The following CASZ1 variants were observed in gnomAD, a reference collection of about 807,000 sequenced individuals.
The protein encoded by CASZ1 is castor zinc finger 1.
CASZ1 carries 28 observed loss-of-function variants against 135.2 expected under a neutral mutation model. That is an observed-to-expected ratio of 0.21 (90% confidence interval 0.15 to 0.28). CASZ1 has a LOEUF of 0.28. Ranked by LOEUF, CASZ1 falls within the 10% of genes least tolerant of loss-of-function variation. The pLI, the probability that CASZ1 is intolerant of heterozygous loss-of-function variation, is 1.00. For synonymous variants in CASZ1, 1,068 were observed against 1,073.4 expected (o/e 0.99, Z 0.10); for missense variants, 2,161 against 2,453.3 (o/e 0.88, Z 2.52).
At chr1:10,685,607 C>T (rs1638560369) in intron 4 of CASZ1, among the ~76,000 whole-genome samples, 1 of 152,246 alleles carries the variant, frequency 6.6e-6, no homozygotes, top group African/African-American at 2.4e-5. Context: ...GGCTCCTCCC[C>T]AACCCGGGAG....
chr1:10,784,738 G>T (rs1331402602), intron 1 of CASZ1, among the ~76,000 whole-genome samples: 3 of 152,038 alleles, frequency 2.0e-5, no homozygotes, highest in Admixed American at 6.6e-5. Context: ...TAATTTTTTT[G>T]TATTTTTAGT....
chr1:10,722,668 C>T (rs774252417), intron 2 of CASZ1, among the ~76,000 whole-genome samples: 1 of 152,262 alleles, frequency 6.6e-6, no homozygotes, highest in African/African-American at 2.4e-5. Context: ...CCAATTCGGA[C>T]TGGCCCAGGG....
In CASZ1 at chr1:10,762,928, C is replaced by T. The variant is rs1169795371; in HGVS notation, c.-233-2071G>A. 6.6e-6 allele frequency among the ~76,000 whole-genome samples: 1 copy of T among 152,186 alleles called. No individual in the cohort carries two copies. Among genetic ancestry groups the T allele is most frequent in the Non-Finnish European group, 1.5e-5 (1 of 68,030 alleles). On this transcript the variant is annotated intron_variant, in intron 1 of 20. Transcript: ENST00000377022. The surrounding 1 kb of genome is among the most constrained non-coding windows in gnomAD (Gnocchi z 4.1). ...GGGACGCTCGTTGGGCTTCTTCCAG[C>T]GGAAAGTGGGGCCTGCCCAGGGCAG...
chr1:10,678,684 C>T (rs905459850), intron 4 of CASZ1, among the ~76,000 whole-genome samples: 40 of 152,198 alleles, frequency 2.6e-4, no homozygotes, highest in African/African-American at 8.2e-4. Context: ...GCACAGCAGC[C>T]GCTGTAAGGA....
At chr1:10,688,488 G>T (rs749610134) in intron 4 of CASZ1, among the ~76,000 whole-genome samples, 38 of 152,160 alleles carry the variant, frequency 2.5e-4, no homozygotes, top group Non-Finnish European at 4.4e-4. Flanking sequence ...TAGAAAGCAT[G>T]GTGGCGGAGG....
chr1:10,653,110 C>T (rs1369983643), intron 11 of CASZ1: 1 of 527,700 alleles, frequency 1.9e-6, no homozygotes, highest in Admixed American at 3.1e-5. Flanking sequence ...GGATGCAGGG[C>T]AGCCGAGGAG....
intron 1 of CASZ1, among the ~76,000 whole-genome samples, chr1:10,787,658 CACACACACGCAT>C (rs1640883182): frequency 6.6e-6 from 1 of 152,142 alleles, no homozygotes; most frequent in Admixed American, 6.5e-5. Context: ...CACCCGCACA[CACACACACGCAT>C]ACACACACGC....
chr1:10,794,892 G>A lies in CASZ1; in HGVS notation c.-234+1672C>T, dbSNP rs730410. The stretch of plus-strand genomic sequence containing the variant: ...GCAGCGGCCCAGCAACCGCCCGCCC[G>A]CCCGCGCCCGGCCAGCCCCCGCCAG... On this transcript the variant is annotated intron_variant, in intron 1 of 20. Coordinates refer to ENST00000377022, the MANE Select transcript of CASZ1 (RefSeq NM_001079843.3). The surrounding 1 kb of genome is among the most constrained non-coding windows in gnomAD (Gnocchi z 5.6). Among the ~76,000 whole-genome samples, 1,086 of 150,688 alleles carry A rather than the reference G, an allele frequency of 7.2e-3. 14 individuals carry two copies. The highest frequency in any genetic ancestry group is 0.025 in the African/African-American group (1,035 of 41,246).
In CASZ1 at chr1:10,757,414, C is replaced by T. The variant is rs569830278; in HGVS notation, c.-77+3287G>A. Among the ~76,000 whole-genome samples, 3 of 152,326 alleles carry T rather than the reference C, an allele frequency of 2.0e-5. No individual in the cohort carries two copies. The highest frequency in any genetic ancestry group is 1.9e-4 in the East Asian group (1 of 5,194). On this transcript the variant is annotated intron_variant, in intron 2 of 20. Transcript: ENST00000377022. The surrounding 1 kb of genome is among the most constrained non-coding windows in gnomAD (Gnocchi z 4.6). ...GTCCACCTCCTCCTCACCCAGCCAC[C>T]ATCCTCTCACACCATCGGCTGCAGC... is the stretch of plus-strand genomic sequence containing the variant.
chr1:10,789,435 G>A (rs1197447339), intron 1 of CASZ1, among the ~76,000 whole-genome samples: 1 of 151,318 alleles, frequency 6.6e-6, no homozygotes, highest in Admixed American at 6.6e-5. Context: ...GAAGTGTTAG[G>A]ATTACCCAGC....
chr1:10,750,039 G>T (rs1640121782), intron 2 of CASZ1, among the ~76,000 whole-genome samples: 1 of 152,152 alleles, frequency 6.6e-6, no homozygotes, highest in East Asian at 1.9e-4. Context: ...CTGTGTGCAG[G>T]CAGCTTGCCT....
At chr1:10,748,978 G>A (rs1168752092) in intron 2 of CASZ1, among the ~76,000 whole-genome samples, 1 of 152,214 alleles carries the variant, frequency 6.6e-6, no homozygotes, top group Non-Finnish European at 1.5e-5. Context: ...TGGGGGTCAG[G>A]TTGCAGGCAT....
In CASZ1 at chr1:10,706,582, C is replaced by T. The variant is rs1639177659; in HGVS notation, c.-76-1038G>A. Among the ~76,000 whole-genome samples the T allele has an allele frequency of 6.6e-6, 1 of 152,188 alleles. No individual in the cohort carries two copies. The highest frequency in any genetic ancestry group is 1.5e-5 in the Non-Finnish European group (1 of 68,022). Reference sequence around the variant, plus strand: ...CTTGTTGAGGGCTCCCGGAATGCCACCCAGTCCCACCGCCCGCTCTCCGGT... The same window carrying T: ...CTTGTTGAGGGCTCCCGGAATGCCATCCAGTCCCACCGCCCGCTCTCCGGT... On this transcript the variant is annotated intron_variant, in intron 2 of 20. Coordinates refer to ENST00000377022, the MANE Select transcript of CASZ1 (RefSeq NM_001079843.3). This position sits in a 1 kb window ranked among gnomAD's most constrained non-coding sequence, Gnocchi z 4.3.
chr1:10,709,974 C>A lies in CASZ1; in HGVS notation c.-76-4430G>T, dbSNP rs1639255918. On this transcript the variant is annotated intron_variant, in intron 2 of 20. Coordinates refer to ENST00000377022, the MANE Select transcript of CASZ1 (RefSeq NM_001079843.3). The surrounding 1 kb of genome is among the most constrained non-coding windows in gnomAD (Gnocchi z 5.1). ...TCCAGACCCCGGAGTCGGAGCAGGC[C>A]TCCGGATTGGCTCTGGGCTCTTTCC... Among the ~76,000 whole-genome samples, 1 of 152,166 alleles carries A rather than the reference C, an allele frequency of 6.6e-6. No homozygotes were observed. The highest frequency in any genetic ancestry group is 1.5e-5 in the Non-Finnish European group (1 of 68,036).
rs1642400546 is a variant in CASZ1 at position 10,647,538 on chromosome 1, G to A, written c.3497+263C>T. On this transcript the variant is annotated intron_variant, in intron 16 of 20. Transcript: ENST00000377022. The surrounding 1 kb of genome is among the most constrained non-coding windows in gnomAD (Gnocchi z 4.9). ...GCCCAGTCCACCCCACCTGGCCCTGGCAGGATCACCACATGCCCTGCAGGA... is the reference window on the plus strand; with the variant it reads ...GCCCAGTCCACCCCACCTGGCCCTGACAGGATCACCACATGCCCTGCAGGA... 2 of 1,368,156 alleles carry A rather than the reference G, an allele frequency of 1.5e-6. No homozygotes were observed. Among genetic ancestry groups the A allele is most frequent in the South Asian group, 1.5e-5 (1 of 65,180 alleles). 84.8% of individuals were successfully genotyped at this position (1,368,156 alleles called of 1,614,324 possible). A position where few individuals can be genotyped will look rare whatever the true frequency, so the allele number is the denominator to read the frequency against.
intron 2 of CASZ1, among the ~76,000 whole-genome samples, chr1:10,708,688 C>T (rs1417918426): frequency 6.6e-6 from 1 of 152,022 alleles, no homozygotes; most frequent in Non-Finnish European, 1.5e-5. Context: ...GCCCGGCAGC[C>T]CTGGGCTGGC....
intron 3 of CASZ1, among the ~76,000 whole-genome samples, chr1:10,703,208 G>A (rs1394793448): frequency 6.6e-6 from 1 of 152,136 alleles, no homozygotes; most frequent in African/African-American, 2.4e-5. Flanking sequence ...CCGTCTCCTT[G>A]CCCACTCCCT....
Position 10,777,317 on chromosome 1 carries a change from C to T in CASZ1, c.-233-16460G>A, listed in dbSNP as rs1342492687. On this transcript the variant is annotated intron_variant, in intron 1 of 20. Coordinates refer to ENST00000377022, the MANE Select transcript of CASZ1 (RefSeq NM_001079843.3). This position sits in a 1 kb window ranked among gnomAD's most constrained non-coding sequence, Gnocchi z 4.4. ...CCCCTATGAGGACCACGGAGAGGGG[C>T]GTCCGAGTCCTGGGCCAGGCCACCT... Among the ~76,000 whole-genome samples, 2 of 152,160 alleles carry T rather than the reference C, an allele frequency of 1.3e-5. No individual in the cohort carries two copies. The highest frequency in any genetic ancestry group is 2.4e-5 in the African/African-American group (1 of 41,418).
chr1:10,674,496 A>C (rs986239305), intron 4 of CASZ1, among the ~76,000 whole-genome samples: 1 of 152,256 alleles, frequency 6.6e-6, no homozygotes, highest in African/African-American at 2.4e-5. Flanking sequence ...CACATAAGAC[A>C]AATCGACTCC....
Sources: allele counts gnomAD v4.1 joint callset (sites outside exome capture counted in the v4.1 genomes callset), GRCh38; gene constraint gnomAD v4.1.1; non-coding constraint Gnocchi (gnomAD v3.1); transcripts MANE v1.5; gene names NCBI Gene and HGNC (gene_info 2026-07-23, HGNC 2026-07-21).